ABCC12: variants seen among roughly 807,000 people sequenced by gnomAD.
ABCC12 encodes the protein ATP-binding cassette sub-family C member 12.
Under a neutral mutation model 151.1 loss-of-function variants are expected in ABCC12, and 142 were observed. The ratio of observed to expected loss-of-function variants is 0.94; its 90% CI spans 0.82 to 1.08. The LOEUF (loss-of-function observed/expected upper bound fraction) is 1.08, where lower values mean the gene tolerates loss of function less well. Among genes scored for constraint, ABCC12 ranks in the 50% least tolerant of loss-of-function variants. The pLI is 0.00. For synonymous variants in ABCC12, 645 were observed against 646.4 expected, an observed-to-expected ratio of 1.00 and a Z score of 0.03; for missense variants, 1,638 against 1,691.1, an observed-to-expected ratio of 0.97 and a Z score of 0.55.
chr16:48,139,231 C>T lies in ABCC12; in HGVS notation c.763G>A (p.Ala255Thr), dbSNP rs543162145. 1.2e-6 allele frequency: 2 copies of T among 1,614,012 alleles called. No homozygotes were observed. The highest frequency in any genetic ancestry group is 1.6e-4 in the Middle Eastern group (1 of 6,062). ...GCTGTGGGCCCCAGAATGAAAAAGG[C>T]GTACGCCGCACAAAAGACCATTAGG... ...PILMVFCAAY[A>T]FFILGPTALI... Residue 255 changes from alanine to threonine, a missense_variant, in exon 7 of 31, where the codon GCC (alanine) becomes ACC (threonine). Transcript: ENST00000311303.
intron 1 of ABCC12, among the ~76,000 whole-genome samples, chr16:48,154,290 A>AT (rs1488412976): frequency 6.6e-6 from 1 of 152,220 alleles, no homozygotes; most frequent in Non-Finnish European, 1.5e-5. Flanking sequence ...TACAACTTGC[A>AT]GTTCCATTTT....
intron 12 of ABCC12, among the ~76,000 whole-genome samples, chr16:48,122,369 T>C (rs1470986888): frequency 1.3e-5 from 2 of 152,234 alleles, no homozygotes; most frequent in East Asian, 3.9e-4. Context: ...TTCTAATTTG[T>C]CCAGAGGAGT....
intron 25 of ABCC12, 86 bp from the exon 26 acceptor site, chr16:48,088,820 T>A: frequency 8.4e-7 from 1 of 1,187,296 alleles, no homozygotes; most frequent in Non-Finnish European, 1.2e-6. Context: ...TCACACAGTT[T>A]CAGGTACTGC....
At chr16:48,102,577 C>A (rs1300831528) in intron 22 of ABCC12, among the ~76,000 whole-genome samples, 2 of 152,146 alleles carry the variant, frequency 1.3e-5, no homozygotes, top group East Asian at 3.9e-4. Context: ...CAGTGAAAGA[C>A]AGCAGCAAGA....
At position 48,088,231 on chromosome 16, in the gene ABCC12, G is replaced by A. The variant is rs1035367680; in HGVS notation, c.3476-146C>T. On this transcript the variant is annotated intron_variant, in intron 26 of 30. Coordinates refer to ENST00000311303, the MANE Select transcript of ABCC12 (RefSeq NM_001393797.1). ...AGACAGAAAGTGTCCTCACCAGGGTGGGGGTGGAGGGATGGGCTACCCTGA... is the reference window on the plus strand; with the variant it reads ...AGACAGAAAGTGTCCTCACCAGGGTAGGGGTGGAGGGATGGGCTACCCTGA... 2.0e-5 allele frequency: 20 copies of A among 1,003,830 alleles called. No homozygotes were observed. In the African/African-American group the frequency reaches 3.1e-4, roughly 16 times the overall value. 62.2% of individuals were successfully genotyped at this position (1,003,830 alleles called of 1,614,324 possible).
chr16:48,086,069 G>C (rs1962585259), intron 28 of ABCC12: 1 of 223,736 alleles, frequency 4.5e-6, no homozygotes, highest in South Asian at 6.8e-5. Context: ...TGGACATTAA[G>C]GAAGGGTAAG....
At chr16:48,112,017 T>C (rs1054881225) in intron 15 of ABCC12, 107 bp from the exon 16 acceptor site, 34 of 1,402,402 alleles carry the variant, frequency 2.4e-5, no homozygotes, top group Middle Eastern at 2.5e-4. Context: ...GCCAGATCAT[T>C]CTTTGTTTGA....
chr16:48,130,428 C>A (rs968324814), intron 10 of ABCC12, among the ~76,000 whole-genome samples: 1 of 152,208 alleles, frequency 6.6e-6, no homozygotes, highest in Non-Finnish European at 1.5e-5. Context: ...TCCTCTTCAT[C>A]ACTTCCATCA....
chr16:48,138,009 A>G (rs1964669569), intron 8 of ABCC12, among the ~76,000 whole-genome samples: 3 of 152,210 alleles, frequency 2.0e-5, no homozygotes, highest in Admixed American at 2.0e-4. Flanking sequence ...CCCAGGAAAG[A>G]GAAACCATAT....
intron 23 of ABCC12, among the ~76,000 whole-genome samples, chr16:48,100,211 C>T (rs1048506840): frequency 3.3e-5 from 5 of 152,158 alleles, no homozygotes; most frequent in African/African-American, 4.8e-5. Context: ...CCACCCACCT[C>T]GGCCTTCCAA....
At chr16:48,087,679 C>T (rs1221366385) in intron 27 of ABCC12, 6 of 427,526 alleles carry the variant, frequency 1.4e-5, no homozygotes, top group African/African-American at 7.9e-5. Context: ...TGAATGAATA[C>T]AGAAGCATCT....
intron 9 of ABCC12, among the ~76,000 whole-genome samples, chr16:48,132,653 T>C (rs1200946182): frequency 6.6e-6 from 1 of 152,220 alleles, no homozygotes; most frequent in East Asian, 1.9e-4. Context: ...TCTTTGGATG[T>C]CCAGGCCCCT....
chr16:48,095,170 T>C lies in ABCC12; in HGVS notation c.3195+1576A>G, dbSNP rs143175939. Among the ~76,000 whole-genome samples, 297 of 152,294 alleles carry C rather than the reference T, an allele frequency of 2.0e-3. 1 individual carries two copies. The highest frequency in any genetic ancestry group is 6.7e-3 in the African/African-American group (278 of 41,570). On this transcript the variant is annotated intron_variant, in intron 24 of 30. Coordinates refer to ENST00000311303, the MANE Select transcript of ABCC12 (RefSeq NM_001393797.1). Reference sequence around the variant, plus strand: ...AGGGACCCAGTGGGTTGGGAGATAATTGAATCGTGGGGGCAGTTTCCCCCA... The same window carrying C: ...AGGGACCCAGTGGGTTGGGAGATAACTGAATCGTGGGGGCAGTTTCCCCCA...
At chr16:48,121,693 C>A (rs1349063566) in intron 13 of ABCC12, 23 bp downstream of exon 13, 1 of 1,613,798 alleles carries the variant, frequency 6.2e-7, no homozygotes. Flanking sequence ...AAATGTGCCT[C>A]CTGCTTTAAA....
At position 48,109,726 on chromosome 16, in the gene ABCC12, C is replaced by T. The variant is rs140222401; in HGVS notation, c.2282-1197G>A. ...CTGCAAAATGAGGGAGACGCCTCAG[C>T]GTGTGAGCAGAGCCTAATGAACAGC... On this transcript the variant is annotated intron_variant, in intron 18 of 30. Transcript: ENST00000311303. Among the ~76,000 whole-genome samples, 1,117 of 152,344 alleles carry T rather than the reference C, an allele frequency of 7.3e-3. 3 individuals carry two copies. The highest frequency in any genetic ancestry group is 9.8e-3 in the Non-Finnish European group (669 of 68,040).
At chr16:48,121,144 C>T (rs2150636020) in intron 13 of ABCC12, 1 of 152,198 alleles carries the variant, frequency 6.6e-6, no homozygotes, top group South Asian at 2.1e-4. Context: ...TATATCAAAA[C>T]ACAAAAGTGT....
intron 4 of ABCC12, among the ~76,000 whole-genome samples, chr16:48,143,278 A>G (rs1434335059): frequency 6.6e-6 from 1 of 152,198 alleles, no homozygotes; most frequent in Non-Finnish European, 1.5e-5. Flanking sequence ...GAGCTCAGCC[A>G]GAAGGGTCCT....
chr16:48,086,616 G>A (rs7192367), intron 28 of ABCC12, 125 bp downstream of exon 28: 17 of 768,820 alleles, frequency 2.2e-5, no homozygotes, highest in Admixed American at 1.1e-4. Context: ...ACTGACTTAC[G>A]TGGTGTCTAC....
intron 4 of ABCC12, 133 bp downstream of exon 4, chr16:48,143,775 TTG>T: frequency 8.6e-7 from 1 of 1,158,302 alleles, no homozygotes; most frequent in Non-Finnish European, 1.2e-6. Flanking sequence ...TCCACCATGA[TTG>T]TGAGGCCTCC....
Sources: allele counts gnomAD v4.1 joint callset (sites outside exome capture counted in the v4.1 genomes callset), GRCh38; gene constraint gnomAD v4.1.1; transcripts MANE v1.5; gene names NCBI Gene and HGNC (gene_info 2026-07-23, HGNC 2026-07-21).